DIP2C: variants seen among roughly 807,000 people sequenced by gnomAD.
DIP2C encodes disco-interacting protein 2 homolog C.
A neutral mutation model predicts 192.4 loss-of-function variants in DIP2C; 33 were observed. The observed-to-expected ratio is 0.17, with a 90% CI of 0.13 to 0.23. The LOEUF (loss-of-function observed/expected upper bound fraction) is 0.23, where lower values mean the gene tolerates loss of function less well. DIP2C is among the 10% of genes least tolerant of loss of function. DIP2C has a pLI of 1.00. For missense variants in DIP2C, 1,537 were observed against 2,110.1 expected (o/e 0.73, Z 5.32); for synonymous variants, 979 against 864.1 (o/e 1.13, Z -2.33).
chr10:512,479 G>A lies in DIP2C; in HGVS notation c.86-25949C>T, dbSNP rs572102162. Among the ~76,000 whole-genome samples the A allele has an allele frequency of 5.9e-5, 9 of 152,230 alleles. No homozygotes were observed. In the East Asian group the frequency reaches 1.3e-3, roughly 23 times the overall value. On this transcript the variant is annotated intron_variant, in intron 1 of 36. Transcript: ENST00000280886. ...AGTCCCAGCTACTCAGGGTGCTGAG[G>A]TGGGAGGATCACCTGAGAGGTGATC...
intron 1 of DIP2C, among the ~76,000 whole-genome samples, chr10:559,765 A>G (rs1204292643): frequency 6.6e-6 from 1 of 152,194 alleles, no homozygotes; most frequent in Non-Finnish European, 1.5e-5. Flanking sequence ...CAGAGGAGGA[A>G]GCCCAGCCCC....
At chr10:369,290 C>T (rs1326513519) in intron 18 of DIP2C, among the ~76,000 whole-genome samples, 1 of 152,138 alleles carries the variant, frequency 6.6e-6, no homozygotes, top group East Asian at 1.9e-4. Context: ...TGCCCTTCCC[C>T]ATCTTCTTGA....
rs531273929 is a variant in DIP2C, at chr10:340,753, G to A, written c.3584+446C>T. ...TGCTGGGTAGAGTGCCGCACCCCAG[G>A]GAACGCTCAGCCCTCGTGGACTCAC... is the stretch of plus-strand genomic sequence containing the variant. On this transcript the variant is annotated intron_variant, in intron 29 of 36. Coordinates refer to ENST00000280886, the MANE Select transcript of DIP2C (RefSeq NM_014974.3). 1.4e-3 allele frequency: 650 copies of A among 457,604 alleles called. 10 individuals carry two copies. Among genetic ancestry groups the A allele is most frequent in the Middle Eastern group, 0.011 (34 of 3,074 alleles). 28.3% of individuals were successfully genotyped at this position (457,604 alleles called of 1,614,324 possible).
intron 1 of DIP2C, among the ~76,000 whole-genome samples, chr10:604,450 C>G (rs1852324212): frequency 6.6e-6 from 1 of 152,180 alleles, no homozygotes; most frequent in African/African-American, 2.4e-5. Context: ...AACTCAACAT[C>G]TGAGTCGGAG....
At chr10:545,016 G>A (rs569613221) in intron 1 of DIP2C, among the ~76,000 whole-genome samples, 1 of 152,166 alleles carries the variant, frequency 6.6e-6, no homozygotes, top group Admixed American at 6.5e-5. Context: ...TCCCCTAAGG[G>A]TGTAATGAGC....
intron 1 of DIP2C, among the ~76,000 whole-genome samples, chr10:555,444 C>T (rs989957274): frequency 3.9e-5 from 6 of 152,170 alleles, no homozygotes; most frequent in African/African-American, 7.2e-5. Context: ...CATCCTCAGT[C>T]GCCGAATCTC....
intron 1 of DIP2C, among the ~76,000 whole-genome samples, chr10:563,580 A>T (rs1428436653): frequency 6.6e-6 from 1 of 152,258 alleles, no homozygotes; most frequent in Non-Finnish European, 1.5e-5. Context: ...CAGAAGGCTT[A>T]AAATATAATT....
At chr10:417,666 C>CGGCTCAAAT (rs1564684636) in intron 6 of DIP2C, among the ~76,000 whole-genome samples, 4 of 8,296 alleles carry the variant, frequency 4.8e-4, no homozygotes, top group South Asian at 9.8e-3. Context: ...CTGTTCCTGT[C>CGGCTCAAAT]AGGGCTCGGA....
intron 1 of DIP2C, among the ~76,000 whole-genome samples, chr10:580,531 A>C (rs1401097501): frequency 1.3e-5 from 2 of 152,226 alleles, no homozygotes; most frequent in African/African-American, 4.8e-5. Flanking sequence ...ACATATGTAC[A>C]CATGTACATG....
chr10:532,270 C>CA (rs1449124513), intron 1 of DIP2C, among the ~76,000 whole-genome samples: 3 of 152,168 alleles, frequency 2.0e-5, no homozygotes, highest in Non-Finnish European at 1.5e-5. Context: ...GCCCTGCCCC[C>CA]ACCTCCACCC....
chr10:670,079 C>CACACACATGCAT (rs1229370472), intron 1 of DIP2C, among the ~76,000 whole-genome samples: 1 of 152,152 alleles, frequency 6.6e-6, no homozygotes, highest in Non-Finnish European at 1.5e-5. Context: ...TATCTGTGCA[C>CACACACATGCAT]ACACACATGC....
intron 1 of DIP2C, among the ~76,000 whole-genome samples, chr10:646,816 GCACA>G (rs1427657246): frequency 6.6e-6 from 1 of 152,226 alleles, no homozygotes; most frequent in Non-Finnish European, 1.5e-5. Context: ...GGGGAGGTGG[GCACA>G]CACAGAGTGT....
chr10:578,504 TATG>T (rs1345040061), intron 1 of DIP2C, among the ~76,000 whole-genome samples: 1 of 152,242 alleles, frequency 6.6e-6, no homozygotes, highest in African/African-American at 2.4e-5. Context: ...CAGAGCTGTT[TATG>T]ATGTCAGGAA....
chr10:562,943 T>G lies in DIP2C; in HGVS notation c.86-76413A>C, dbSNP rs1158506667. Among the ~76,000 whole-genome samples, 3 of 152,392 alleles carry G rather than the reference T, an allele frequency of 2.0e-5. No individual in the cohort carries two copies. The East Asian group carries it at 5.8e-4, about 29-fold the overall frequency. On this transcript the variant is annotated intron_variant, in intron 1 of 36. Coordinates refer to ENST00000280886, the MANE Select transcript of DIP2C (RefSeq NM_014974.3). The stretch of plus-strand genomic sequence containing the variant: ...GAATGAATATAGCTAAATACTCTTC[T>G]GTGAACATTGACGTGTGCAACCTTA...
At chr10:559,792 G>A (rs551091844) in intron 1 of DIP2C, among the ~76,000 whole-genome samples, 7 of 152,292 alleles carry the variant, frequency 4.6e-5, no homozygotes, top group East Asian at 1.9e-4. Flanking sequence ...CCATGGCCCC[G>A]GCCTGGCAGG....
intron 1 of DIP2C, among the ~76,000 whole-genome samples, chr10:523,963 G>C (rs1481025128): frequency 1.3e-5 from 2 of 152,210 alleles, no homozygotes; most frequent in Non-Finnish European, 1.5e-5. Context: ...GGGGATCTCA[G>C]AGTTTGATGC....
intron 31 of DIP2C, among the ~76,000 whole-genome samples, chr10:311,842 G>A (rs1439369644): frequency 6.6e-6 from 1 of 152,240 alleles, no homozygotes; most frequent in African/African-American, 2.4e-5. Flanking sequence ...AGAAGAGGGT[G>A]TAGCAGGTGA....
At chr10:398,803 T>TA (rs11304714) in intron 10 of DIP2C, among the ~76,000 whole-genome samples, 2 of 151,860 alleles carry the variant, frequency 1.3e-5, no homozygotes, top group African/African-American at 4.8e-5. Flanking sequence ...AAATAATAAT[T>TA]AAAAAAAAAC....
rs1021859969 is a variant in DIP2C at position 277,107 on chromosome 10, C to T, written c.*218G>A. The T allele has an allele frequency of 3.2e-5, 18 of 568,346 alleles. No homozygotes were observed. Among genetic ancestry groups the T allele is most frequent in the Non-Finnish European group, 5.1e-5 (18 of 352,334 alleles). The allele number at this position is 568,346 out of a possible 1,614,324, so 35.2% of individuals were successfully genotyped here. A position where few individuals can be genotyped will look rare whatever the true frequency, so the allele number is the denominator to read the frequency against. On this transcript the variant is annotated 3_prime_UTR_variant, in exon 37 of 37. Transcript: ENST00000280886. ...TTCCAACAAACTGAAGGCAGTAATC[C>T]AAAGTCCTTCTGAGCGAAATTCAGT... is the stretch of plus-strand genomic sequence containing the variant.
Sources: gnomAD v4.1 joint callset for allele counts (sites outside exome capture counted in the v4.1 genomes callset) on GRCh38, gnomAD v4.1.1 for gene constraint, MANE v1.5 for transcripts, NCBI Gene and HGNC (gene_info 2026-07-23, HGNC 2026-07-21) for gene names.